The following PDE1C variants were observed in gnomAD, a reference collection of about 807,000 sequenced individuals.
The protein encoded by PDE1C is dual specificity calcium/calmodulin-dependent 3',5'-cyclic nucleotide phosphodiesterase 1C.
A neutral mutation model predicts 93.1 loss-of-function variants in PDE1C; 62 were observed. The ratio of observed to expected loss-of-function variants is 0.67; its 90% CI spans 0.54 to 0.82. The LOEUF is 0.82. Among genes scored for constraint, PDE1C ranks in the 40% least tolerant of loss-of-function variants. The pLI, the probability that PDE1C is intolerant of heterozygous loss-of-function variation, is 0.00. For missense variants in PDE1C, 742 were observed against 884.6 expected (o/e 0.84, Z 2.04); for synonymous variants, 325 against 310.1 (o/e 1.05, Z -0.50).
intron 3 of PDE1C, among the ~76,000 whole-genome samples, chr7:32,166,266 T>A (rs1802265105): frequency 6.6e-6 from 1 of 152,132 alleles, no homozygotes; most frequent in South Asian, 2.1e-4. Context: ...GCAATAGAGT[T>A]GGAACTGAAA....
intron 6 of PDE1C, among the ~76,000 whole-genome samples, chr7:31,868,126 CAATA>C (rs1795516955): frequency 1.3e-5 from 2 of 152,124 alleles, no homozygotes; most frequent in South Asian, 4.1e-4. Context: ...CACAAGGACA[CAATA>C]AACATTTATA....
intron 2 of PDE1C, among the ~76,000 whole-genome samples, chr7:31,938,057 C>T (rs887378234): frequency 1.3e-5 from 2 of 151,896 alleles, no homozygotes; most frequent in South Asian, 4.2e-4. Context: ...AAGAGAAAGC[C>T]CTTGTCTTTA....
intron 1 of PDE1C, among the ~76,000 whole-genome samples, chr7:32,249,986 G>A (rs2128874598): frequency 6.6e-6 from 1 of 152,234 alleles, no homozygotes; most frequent in East Asian, 1.9e-4. Flanking sequence ...ATAAAAGAGA[G>A]AAAAATTCAG....
chr7:31,948,643 T>C (rs1317087792), intron 2 of PDE1C, among the ~76,000 whole-genome samples: 1 of 152,156 alleles, frequency 6.6e-6, no homozygotes, highest in Non-Finnish European at 1.5e-5. Flanking sequence ...GATGTTTCCA[T>C]CTTACTTATC....
chr7:32,310,092 G>A (rs550793896), intron 1 of PDE1C, among the ~76,000 whole-genome samples: 3 of 152,038 alleles, frequency 2.0e-5, no homozygotes, highest in Admixed American at 1.3e-4. Context: ...AAAGGCAGGG[G>A]TTGCAATCCT....
chr7:31,735,780 T>G, the PDE1C span, among the ~76,000 whole-genome samples: 38 of 152,298 alleles, frequency 2.5e-4, no homozygotes, highest in Admixed American at 2.4e-3. Context: ...TCTGTGCCTT[T>G]GATAGATTAT....
At chr7:32,350,276 T>C (rs1250495084) in intron 1 of PDE1C, among the ~76,000 whole-genome samples, 4 of 152,146 alleles carry the variant, frequency 2.6e-5, no homozygotes, top group Non-Finnish European at 5.9e-5. Flanking sequence ...CTCCCTCCTG[T>C]ATCATTTTGA....
chr7:32,083,744 C>G (rs62457521), intron 3 of PDE1C, among the ~76,000 whole-genome samples: 1 of 151,684 alleles, frequency 6.6e-6, no homozygotes, highest in African/African-American at 2.4e-5. Context: ...TCATATCCAG[C>G]CAAACTAAGC....
intron 3 of PDE1C, among the ~76,000 whole-genome samples, chr7:32,136,365 G>A (rs766292231): frequency 9.2e-5 from 14 of 151,434 alleles, no homozygotes; most frequent in African/African-American, 3.2e-4. Context: ...TTTTTGAGAC[G>A]GAGTCTCACT....
Position 31,906,268 on chromosome 7 carries a change from C to T in PDE1C, c.129-25408G>A, listed in dbSNP as rs188938982. 1.1e-4 allele frequency among the ~76,000 whole-genome samples: 16 copies of T among 152,284 alleles called. No homozygotes were observed. In the East Asian group the frequency reaches 2.9e-3, roughly 28 times the overall value. On this transcript the variant is annotated intron_variant, in intron 2 of 17. Coordinates refer to ENST00000396191, the MANE Select transcript of PDE1C (RefSeq NM_001191057.4). ...TCATCTCACTTATTCTTACATCATG[C>T]TTCTAGTTTCTCCAGGGCCTTTTAA...
intron 2 of PDE1C, among the ~76,000 whole-genome samples, chr7:32,190,251 T>G (rs1426978437): frequency 6.6e-6 from 1 of 152,228 alleles, no homozygotes; most frequent in African/African-American, 2.4e-5. Flanking sequence ...TGTTCATAGC[T>G]TAGTCTATAG....
the PDE1C span, chr7:31,655,678 T>C: frequency 1.0e-6 from 1 of 956,950 alleles, no homozygotes; most frequent in Non-Finnish European, 1.2e-6. Context: ...TCTTGGCTCC[T>C]ATATCATGGC....
chr7:31,964,898 T>A lies in PDE1C; in HGVS notation c.129-84038A>T, dbSNP rs1455578846. ...CCAACAGACCTACAGCTGAGGGTCC[T>A]GACTGTTAGAAGGAAAACTAACAAA... On this transcript the variant is annotated intron_variant, in intron 2 of 17. Transcript: ENST00000396191. Among the ~76,000 whole-genome samples the A allele has an allele frequency of 2.0e-5, 3 of 152,318 alleles. No homozygotes were observed. In the East Asian group the frequency reaches 5.8e-4, roughly 29 times the overall value.
At chr7:31,917,900 A>G (rs755145966) in intron 2 of PDE1C, among the ~76,000 whole-genome samples, 6 of 152,200 alleles carry the variant, frequency 3.9e-5, no homozygotes, top group Non-Finnish European at 8.8e-5. Context: ...TTTAGATTCA[A>G]ATCACTGCCC....
At chr7:31,952,825 A>G (rs1431352698) in intron 2 of PDE1C, among the ~76,000 whole-genome samples, 1 of 152,142 alleles carries the variant, frequency 6.6e-6, no homozygotes, top group Admixed American at 6.5e-5. Flanking sequence ...TACTTCAAAA[A>G]AGAATACCAT....
chr7:32,414,157 G>A (rs1262750251), intron 1 of PDE1C, among the ~76,000 whole-genome samples: 5 of 151,200 alleles, frequency 3.3e-5, no homozygotes, highest in Admixed American at 2.0e-4. Context: ...AGGCTGCAGT[G>A]AGCTCTGATT....
chr7:32,033,795 CA>C lies in PDE1C; in HGVS notation c.128+17758del, dbSNP rs915036513. 9.3e-4 allele frequency among the ~76,000 whole-genome samples: 142 copies of C among 152,270 alleles called. 1 individual carries two copies. Among genetic ancestry groups the C allele is most frequent in the African/African-American group, 3.3e-3 (137 of 41,556 alleles). On this transcript the variant is annotated intron_variant, in intron 2 of 17. Transcript: ENST00000396191. ...TTGAGTTATCTCCAGAAAACAAAAA[CA>C]GTACCCTGATTTATTAACGTACTTA...
At chr7:32,383,622 T>C (rs1388934193) in intron 1 of PDE1C, among the ~76,000 whole-genome samples, 1 of 151,974 alleles carries the variant, frequency 6.6e-6, no homozygotes, top group African/African-American at 2.4e-5. Flanking sequence ...AAATGCCTGA[T>C]ATAATAATTA....
intron 2 of PDE1C, among the ~76,000 whole-genome samples, chr7:31,916,065 G>A (rs1801864720): frequency 6.6e-6 from 1 of 152,114 alleles, no homozygotes; most frequent in Non-Finnish European, 1.5e-5. Context: ...CCTCTCAAAT[G>A]AGGGTCTCAT....
Sources: allele counts gnomAD v4.1 joint callset (sites outside exome capture counted in the v4.1 genomes callset), GRCh38; gene constraint gnomAD v4.1.1; transcripts MANE v1.5; gene names NCBI Gene and HGNC (gene_info 2026-07-23, HGNC 2026-07-21).